Variants in USH2A observed in about 807,000 individuals in gnomAD.
USH2A encodes usherin.
In USH2A, 443 loss-of-function variants were observed where a neutral mutation model predicts 538.9. That is an observed-to-expected ratio of 0.82 (90% CI 0.76 to 0.89). The LOEUF is 0.89. Ranked by LOEUF, USH2A falls within the 40% of genes least tolerant of loss-of-function variation. USH2A has a pLI of 0.00. For synonymous variants in USH2A, 2,413 were observed against 2,273.5 expected (o/e 1.06, Z -1.75); for missense variants, 6,633 against 6,324.8 (o/e 1.05, Z -1.65).
intron 55 of USH2A, among the ~76,000 whole-genome samples, chr1:215,778,550 C>G (rs1204086643): frequency 6.6e-6 from 1 of 152,042 alleles, no homozygotes; most frequent in Non-Finnish European, 1.5e-5. Flanking sequence ...ATTTTGCCAC[C>G]CTGTGTAAGT....
chr1:215,756,495 T>G (rs1462715221), intron 58 of USH2A, among the ~76,000 whole-genome samples: 1 of 152,188 alleles, frequency 6.6e-6, no homozygotes, highest in Admixed American at 6.5e-5. Context: ...GAATTTGGAT[T>G]GTAGAAGACC....
intron 7 of USH2A, 100 bp downstream of exon 7, chr1:216,324,068 G>T (rs1192782580): frequency 7.8e-7 from 1 of 1,287,670 alleles, no homozygotes. Flanking sequence ...AAGGAAGTTG[G>T]TGGTGAAGGG....
chr1:215,990,760 C>CTTTTTT (rs35293238), intron 35 of USH2A, among the ~76,000 whole-genome samples: 1 of 114,580 alleles, frequency 8.7e-6, no homozygotes, highest in African/African-American at 3.3e-5. Context: ...CTTAATTTTC[C>CTTTTTT]TTTTTTTTTT....
chr1:216,167,045 T>G (rs888515753), intron 21 of USH2A, among the ~76,000 whole-genome samples: 1 of 152,106 alleles, frequency 6.6e-6, no homozygotes. Flanking sequence ...TGCTCATCAG[T>G]CAAGGAACTG....
intron 3 of USH2A, among the ~76,000 whole-genome samples, chr1:216,405,827 C>T (rs559042581): frequency 3.3e-5 from 5 of 152,268 alleles, no homozygotes; most frequent in African/African-American, 1.2e-4. Flanking sequence ...ACCCACATAC[C>T]GTGGAATGCT....
chr1:216,297,899 T>A (rs1009669575), intron 9 of USH2A, among the ~76,000 whole-genome samples: 7 of 152,148 alleles, frequency 4.6e-5, no homozygotes, highest in African/African-American at 1.7e-4. Flanking sequence ...ATTGGATAAA[T>A]GAAAGAATAG....
intron 58 of USH2A, among the ~76,000 whole-genome samples, chr1:215,753,821 A>C (rs1238567848): frequency 6.6e-6 from 1 of 152,036 alleles, no homozygotes; most frequent in African/African-American, 2.4e-5. Context: ...TAAAAGAAAA[A>C]AAATTAAAAA....
chr1:215,753,310 G>C lies in USH2A; in HGVS notation c.11389+5285C>G, dbSNP rs1660681060. Among the ~76,000 whole-genome samples, 3 of 152,042 alleles carry C rather than the reference G, an allele frequency of 2.0e-5. No homozygotes were observed. In the South Asian group the frequency reaches 6.2e-4, roughly 32 times the overall value. On this transcript the variant is annotated intron_variant, in intron 58 of 71. Transcript: ENST00000307340. ...ATTTGACCCAGCCATCCCATTACTG[G>C]GTATATACCCAAAGGATTATAAATC... is the stretch of plus-strand genomic sequence containing the variant.
intron 36 of USH2A, among the ~76,000 whole-genome samples, chr1:215,968,540 T>C (rs935679971): frequency 3.3e-5 from 5 of 152,170 alleles, no homozygotes; most frequent in African/African-American, 1.2e-4. Context: ...AAATTCATAT[T>C]TTTTATTATA....
intron 20 of USH2A, among the ~76,000 whole-genome samples, chr1:216,179,395 T>C (rs542359539): frequency 6.6e-6 from 1 of 152,270 alleles, no homozygotes; most frequent in East Asian, 1.9e-4. Context: ...CTTTAAGTAG[T>C]AGAGCACTTC....
chr1:215,751,983 G>A (rs1440334857), intron 58 of USH2A, among the ~76,000 whole-genome samples: 1 of 152,082 alleles, frequency 6.6e-6, no homozygotes, highest in Non-Finnish European at 1.5e-5. Context: ...TTTTCTGAAA[G>A]GTGAAAAAAT....
chr1:215,927,873 T>A (rs1055871690), intron 38 of USH2A, among the ~76,000 whole-genome samples: 3 of 152,152 alleles, frequency 2.0e-5, no homozygotes, highest in African/African-American at 4.8e-5. Flanking sequence ...CTATATTATG[T>A]ATTTTTACAC....
intron 61 of USH2A, among the ~76,000 whole-genome samples, chr1:215,704,549 G>A (rs913945049): frequency 1.3e-5 from 2 of 152,128 alleles, no homozygotes; most frequent in African/African-American, 4.8e-5. Flanking sequence ...GAAGCAGGGT[G>A]GTTTTGATTG....
chr1:215,756,956 A>AAAT (rs1306009392), intron 58 of USH2A, among the ~76,000 whole-genome samples: 1 of 151,942 alleles, frequency 6.6e-6, no homozygotes, highest in Non-Finnish European at 1.5e-5. Context: ...ATAAATAAAT[A>AAAT]AATAAATAAA....
At chr1:215,665,891 T>C (rs148408068) in intron 64 of USH2A, among the ~76,000 whole-genome samples, 225 of 152,398 alleles carry the variant, frequency 1.5e-3, no homozygotes, top group Non-Finnish European at 2.7e-3. Context: ...GCATCGCATT[T>C]ATGCATGGAA....
intron 49 of USH2A, among the ~76,000 whole-genome samples, chr1:215,808,900 T>C (rs1480741918): frequency 6.6e-6 from 1 of 152,050 alleles, no homozygotes; most frequent in Non-Finnish European, 1.5e-5. Context: ...AATTTGCTTT[T>C]CTCTAGGGTA....
intron 9 of USH2A, among the ~76,000 whole-genome samples, chr1:216,299,743 TTC>T (rs1316173944): frequency 3.3e-5 from 5 of 152,166 alleles, no homozygotes; most frequent in African/African-American, 7.2e-5. Flanking sequence ...GAAAAAATGA[TTC>T]TCTTTTCAAC....
At chr1:215,652,526 T>A (rs1474423207) in intron 64 of USH2A, among the ~76,000 whole-genome samples, 1 of 152,092 alleles carries the variant, frequency 6.6e-6, no homozygotes, top group Non-Finnish European at 1.5e-5. Context: ...TCATGGAAGT[T>A]AGAGTCCATC....
chr1:216,249,051 T>C (rs937869592), intron 12 of USH2A, among the ~76,000 whole-genome samples: 1 of 152,090 alleles, frequency 6.6e-6, no homozygotes, highest in South Asian at 2.1e-4. Context: ...GTATACAACA[T>C]ACACTTGTAT....
Sources: allele counts gnomAD v4.1 joint callset (sites outside exome capture counted in the v4.1 genomes callset), GRCh38; gene constraint gnomAD v4.1.1; transcripts MANE v1.5; gene names NCBI Gene and HGNC (gene_info 2026-07-23, HGNC 2026-07-21).